The following INO80 variants were observed in gnomAD, a reference collection of about 807,000 sequenced individuals.
INO80 encodes INO80 complex ATPase subunit, also known as chromatin-remodeling ATPase INO80.
INO80 carries 20 observed loss-of-function variants against 203.4 expected under a neutral mutation model. The observed-to-expected ratio is 0.10, with a 90% CI of 0.07 to 0.14. The LOEUF (loss-of-function observed/expected upper bound fraction) is 0.14, where lower values mean the gene tolerates loss of function less well. Among genes scored for constraint, INO80 ranks in the 10% least tolerant of loss-of-function variants. INO80 has a pLI of 1.00. For synonymous variants in INO80, 726 were observed against 685.2 expected (o/e 1.06, Z -0.93); for missense variants, 1,419 against 1,914.4 (o/e 0.74, Z 4.83).
intron 14 of INO80, among the ~76,000 whole-genome samples, chr15:41,063,344 A>T (rs1474228): frequency 0.074 from 11,185 of 151,936 alleles, 1,204 homozygotes; most frequent in African/African-American, 0.24. Context: ...CTCAAAAAAA[A>T]TTTTAATGTA....
intron 27 of INO80, 123 bp from the exon 28 acceptor site, chr15:41,005,810 GGA>G: frequency 7.3e-6 from 4 of 544,676 alleles, no homozygotes; most frequent in Admixed American, 6.9e-5. Flanking sequence ...ACCAGAATGG[GGA>G]GAGAGTAACC....
chr15:41,045,019 G>A lies in INO80; in HGVS notation c.2792C>T (p.Ser931Phe), dbSNP rs1396959051. 8 of 1,613,458 alleles carry A rather than the reference G, an allele frequency of 5.0e-6. No homozygotes were observed. The highest frequency in any genetic ancestry group is 2.2e-5 in the East Asian group (1 of 44,878). The change falls in exon 24 of 36, where the codon TCC becomes TTC. Residue 931 changes from serine (S) to phenylalanine (F), a missense_variant. By Grantham distance (155) the Ser-to-Phe change is radical (BLOSUM62 -2). Coordinates refer to ENST00000648947, the MANE Select transcript of INO80 (RefSeq NM_017553.3). ...GCTCTCCCCTTCTGGCGCTCCCCAGGAGCGTAGCTGATGGAGCCTGTAGGA... is the reference window on the plus strand; with the variant it reads ...GCTCTCCCCTTCTGGCGCTCCCCAGAAGCGTAGCTGATGGAGCCTGTAGGA... ...KASYRLHQLRSWGAPEGESHQ... is the reference protein window; with the variant it reads ...KASYRLHQLRFWGAPEGESHQ...
chr15:41,030,286 G>T (rs1052172262), intron 24 of INO80, among the ~76,000 whole-genome samples: 41 of 152,254 alleles, frequency 2.7e-4, no homozygotes, highest in Admixed American at 2.5e-3. Flanking sequence ...CACATTATTT[G>T]TTATTACCTT....
chr15:41,072,817 G>A (rs1371620972), intron 11 of INO80, among the ~76,000 whole-genome samples: 15 of 149,296 alleles, frequency 1.0e-4, no homozygotes, highest in Non-Finnish European at 5.9e-5. Context: ...GTCTCAATCT[G>A]TCGCCCAGGC....
At chr15:41,005,197 A>ACC in intron 28 of INO80, 1 of 87,082 alleles carries the variant, frequency 1.1e-5, no homozygotes, top group East Asian at 2.3e-4. Context: ...TGTCTCACAC[A>ACC]CACAAAAAAA....
At chr15:41,006,102 T>C (rs1171623520) in intron 27 of INO80, among the ~76,000 whole-genome samples, 4 of 152,166 alleles carry the variant, frequency 2.6e-5, no homozygotes, top group Non-Finnish European at 5.9e-5. Flanking sequence ...AGAGCAAACC[T>C]TTACTGATTA....
intron 14 of INO80, among the ~76,000 whole-genome samples, chr15:41,064,188 T>C (rs1477337922): frequency 1.3e-5 from 2 of 152,204 alleles, no homozygotes; most frequent in African/African-American, 2.4e-5. Context: ...AAGGGCAGAA[T>C]ACCTATAATT....
chr15:41,032,018 C>CACAGCACAGCACAGCACAGCACAGG (rs2044489779), intron 24 of INO80, among the ~76,000 whole-genome samples: 1 of 83,804 alleles, frequency 1.2e-5, no homozygotes, highest in Non-Finnish European at 2.5e-5. Flanking sequence ...CACAGCACAG[C>CACAGCACAGCACAGCACAGCACAGG]ACAGCACAGC....
intron 19 of INO80, among the ~76,000 whole-genome samples, chr15:41,051,362 C>T (rs749706575): frequency 1.3e-4 from 20 of 151,804 alleles, no homozygotes; most frequent in Non-Finnish European, 2.5e-4. Context: ...ACCTAGCTCA[C>T]ATGTCATCTT....
intron 1 of INO80, among the ~76,000 whole-genome samples, chr15:41,114,660 G>A (rs1596337381): frequency 6.7e-6 from 1 of 149,682 alleles, no homozygotes; most frequent in East Asian, 2.0e-4. Flanking sequence ...AGTGAGTCGG[G>A]ACCCCGCCAC....
At position 40,978,990 on chromosome 15, in the gene INO80, A is replaced by T. The variant is rs1001298011; in HGVS notation, c.*1233T>A. 6.6e-6 allele frequency: 1 copy of T among 152,656 alleles called. No individual in the cohort carries two copies. Among genetic ancestry groups the T allele is most frequent in the African/African-American group, 2.4e-5 (1 of 41,460 alleles). 9.5% of individuals were successfully genotyped at this position (152,656 alleles called of 1,614,324 possible). On this transcript the variant is annotated 3_prime_UTR_variant, in exon 36 of 36. Coordinates refer to ENST00000648947, the MANE Select transcript of INO80 (RefSeq NM_017553.3). ...GTACAAGTTCAGTTATAAAAATAGC[A>T]CATTCAAAGAGAAAAGGCTTGGCAT...
chr15:41,011,187 T>G lies in INO80; in HGVS notation c.3402+4901A>C, dbSNP rs964977249. On this transcript the variant is annotated intron_variant, in intron 27 of 35. Coordinates refer to ENST00000648947, the MANE Select transcript of INO80 (RefSeq NM_017553.3). ...TCTGGCTTCCTTAGTCTCAAATTCCTTTCTCCCTGATGGTTGAAATTCTAT... is the reference window on the plus strand; with the variant it reads ...TCTGGCTTCCTTAGTCTCAAATTCCGTTCTCCCTGATGGTTGAAATTCTAT... 2.3e-4 allele frequency among the ~76,000 whole-genome samples: 35 copies of G among 152,346 alleles called. 1 individual carries two copies. The highest frequency in any genetic ancestry group is 7.9e-4 in the African/African-American group (33 of 41,578).
chr15:41,091,139 G>C (rs557079332), intron 5 of INO80, among the ~76,000 whole-genome samples: 1 of 152,116 alleles, frequency 6.6e-6, no homozygotes, highest in African/African-American at 2.4e-5. Context: ...GGTCAGGCTG[G>C]TCTCGAACTC....
chr15:41,000,972 C>T (rs28473405), intron 28 of INO80, among the ~76,000 whole-genome samples: 46,905 of 151,858 alleles, frequency 0.31, 7,328 homozygotes, highest in Non-Finnish European at 0.34. Flanking sequence ...GTAATTTTAT[C>T]ATATTGTAAT....
intron 29 of INO80, among the ~76,000 whole-genome samples, chr15:40,994,202 C>G (rs1469405225): frequency 6.6e-6 from 1 of 152,134 alleles, no homozygotes; most frequent in African/African-American, 2.4e-5. Flanking sequence ...CTTCTTTCTG[C>G]CAGGTATATG....
intron 25 of INO80, chr15:41,023,162 AT>A: frequency 5.3e-6 from 2 of 376,424 alleles, no homozygotes; most frequent in Non-Finnish European, 1.0e-5. Flanking sequence ...CAACTTATTC[AT>A]TTTTCCCACT....
intron 1 of INO80, among the ~76,000 whole-genome samples, chr15:41,110,561 C>T (rs2045945444): frequency 6.6e-6 from 1 of 152,142 alleles, no homozygotes; most frequent in South Asian, 2.1e-4. Context: ...ATTTCGGCCT[C>T]CAGAGTAGCT....
intron 23 of INO80, 58 bp downstream of exon 23, chr15:41,047,350 A>G (rs1008086090): frequency 4.0e-6 from 4 of 996,374 alleles, no homozygotes; most frequent in Admixed American, 3.9e-5. Context: ...ACAGTATTCA[A>G]TATCTATCCC....
At chr15:41,041,327 G>GCGAT (rs1043262039) in intron 24 of INO80, among the ~76,000 whole-genome samples, 2 of 151,994 alleles carry the variant, frequency 1.3e-5, no homozygotes, top group Non-Finnish European at 1.5e-5. Context: ...CTGGGCTCAA[G>GCGAT]CGATCATCCC....
Sources: gnomAD v4.1 joint callset for allele counts (sites outside exome capture counted in the v4.1 genomes callset) on GRCh38, gnomAD v4.1.1 for gene constraint, MANE v1.5 for transcripts, NCBI Gene and HGNC (gene_info 2026-07-23, HGNC 2026-07-21) for gene names.